KCNH1: variants seen among roughly 807,000 people sequenced by gnomAD.
The protein encoded by KCNH1 is voltage-gated delayed rectifier potassium channel KCNH1.
Under a neutral mutation model 69.2 loss-of-function variants are expected in KCNH1, and 27 were observed. The observed-to-expected ratio is 0.39, with a 90% confidence interval of 0.29 to 0.54. KCNH1 has a LOEUF of 0.54. Ranked by LOEUF, KCNH1 falls within the 20% of genes least tolerant of loss-of-function variation. The pLI, the probability that KCNH1 is intolerant of heterozygous loss-of-function variation, is 0.68. For missense variants in KCNH1, 798 were observed against 1,261.6 expected (o/e 0.63, Z 5.57); for synonymous variants, 456 against 487.7 (o/e 0.93, Z 0.86).
At chr1:211,025,491 T>C (rs1386390618) in intron 5 of KCNH1, among the ~76,000 whole-genome samples, 1 of 152,148 alleles carries the variant, frequency 6.6e-6, no homozygotes, top group Non-Finnish European at 1.5e-5. Context: ...TAAGGAAGCT[T>C]GGATTCTGAG....
At chr1:210,979,683 T>C (rs1031369010) in intron 6 of KCNH1, among the ~76,000 whole-genome samples, 3 of 152,192 alleles carry the variant, frequency 2.0e-5, no homozygotes, top group African/African-American at 7.2e-5. Context: ...TTTCAAGCAT[T>C]AGAGTGTTTT....
At chr1:210,826,165 G>C (rs1002033641) in intron 7 of KCNH1, among the ~76,000 whole-genome samples, 1 of 151,904 alleles carries the variant, frequency 6.6e-6, no homozygotes, top group Admixed American at 6.6e-5. Context: ...TTAAAAACTA[G>C]TTCTTCCCCA....
At chr1:210,767,748 ATAT>A (rs1683665944) in intron 10 of KCNH1, among the ~76,000 whole-genome samples, 1 of 152,144 alleles carries the variant, frequency 6.6e-6, no homozygotes, top group Non-Finnish European at 1.5e-5. Flanking sequence ...ACCTAAGAAA[ATAT>A]TATTAAGGAT....
chr1:210,929,014 A>G (rs1323280233), intron 6 of KCNH1, among the ~76,000 whole-genome samples: 3 of 152,142 alleles, frequency 2.0e-5, no homozygotes, highest in African/African-American at 7.2e-5. Flanking sequence ...ATCAATAACA[A>G]GTAGCGAGAT....
intron 10 of KCNH1, among the ~76,000 whole-genome samples, chr1:210,742,727 G>C (rs559190649): frequency 1.9e-4 from 29 of 152,178 alleles, no homozygotes; most frequent in Non-Finnish European, 2.2e-4. Flanking sequence ...CTGTCTGGAA[G>C]GCAATCATAT....
intron 6 of KCNH1, among the ~76,000 whole-genome samples, chr1:210,968,719 G>GT (rs1488400896): frequency 5.3e-5 from 8 of 151,596 alleles, no homozygotes; most frequent in Admixed American, 5.3e-4. Context: ...GGGGTTGTTT[G>GT]TTTTTTTCTT....
At chr1:210,882,069 A>T (rs1322771840) in intron 7 of KCNH1, among the ~76,000 whole-genome samples, 2 of 152,186 alleles carry the variant, frequency 1.3e-5, no homozygotes, top group African/African-American at 4.8e-5. Context: ...CATCAATTTT[A>T]ACAAATATAT....
chr1:211,044,641 C>T (rs1208732818), intron 5 of KCNH1, among the ~76,000 whole-genome samples: 1 of 151,876 alleles, frequency 6.6e-6, no homozygotes, highest in African/African-American at 2.4e-5. Flanking sequence ...TTCAAATGGC[C>T]AACAAACATA....
At position 211,006,940 on chromosome 1, in the gene KCNH1, T is replaced by C. The variant is rs572562198; in HGVS notation, c.1032+11843A>G. On this transcript the variant is annotated intron_variant, in intron 6 of 10. Transcript: ENST00000271751. Reference sequence around the variant, plus strand: ...CATTTTAATAAAATATATAAACATATATATATGCTTTATATATGAAGAAAA... The same window carrying C: ...CATTTTAATAAAATATATAAACATACATATATGCTTTATATATGAAGAAAA... Among the ~76,000 whole-genome samples the C allele has an allele frequency of 2.0e-5, 3 of 152,076 alleles. No homozygotes were observed. In the East Asian group the frequency reaches 5.8e-4, roughly 29 times the overall value.
intron 10 of KCNH1, among the ~76,000 whole-genome samples, chr1:210,751,402 A>G (rs189140781): frequency 6.6e-5 from 10 of 152,334 alleles, no homozygotes; most frequent in African/African-American, 2.2e-4. Context: ...CTAGAAGAAG[A>G]TAGAGCCTGG....
intron 5 of KCNH1, among the ~76,000 whole-genome samples, chr1:211,067,969 G>A (rs1690561729): frequency 6.6e-6 from 1 of 152,226 alleles, no homozygotes. Context: ...GTGGTACACA[G>A]TACTTGCTTC....
intron 10 of KCNH1, among the ~76,000 whole-genome samples, chr1:210,753,753 C>T (rs947777503): frequency 2.6e-5 from 4 of 152,174 alleles, no homozygotes; most frequent in African/African-American, 9.7e-5. Context: ...CCCACCCCTA[C>T]ATCAGCCCAT....
At chr1:210,782,537 C>A (rs1341132429) in intron 9 of KCNH1, among the ~76,000 whole-genome samples, 2 of 152,026 alleles carry the variant, frequency 1.3e-5, no homozygotes, top group Non-Finnish European at 2.9e-5. Flanking sequence ...ACCAGCCTGG[C>A]CAATGTGGTG....
chr1:210,874,021 C>T (rs557394571), intron 7 of KCNH1, among the ~76,000 whole-genome samples: 29 of 152,236 alleles, frequency 1.9e-4, no homozygotes, highest in Admixed American at 1.2e-3. Flanking sequence ...TTTAGCCCTG[C>T]GCACGTGACA....
intron 10 of KCNH1, among the ~76,000 whole-genome samples, chr1:210,687,458 T>C (rs1042304374): frequency 6.6e-6 from 1 of 152,216 alleles, no homozygotes; most frequent in Non-Finnish European, 1.5e-5. Context: ...CATCTTAGGC[T>C]GCCCTCCATC....
chr1:211,005,404 G>A (rs913234454), intron 6 of KCNH1, among the ~76,000 whole-genome samples: 3 of 152,000 alleles, frequency 2.0e-5, no homozygotes, highest in Non-Finnish European at 4.4e-5. Flanking sequence ...ATATTGGTGC[G>A]GTAATATACA....
At chr1:210,933,657 A>T (rs1483955318) in intron 6 of KCNH1, among the ~76,000 whole-genome samples, 1 of 152,146 alleles carries the variant, frequency 6.6e-6, no homozygotes, top group Non-Finnish European at 1.5e-5. Context: ...AACTAGGAAA[A>T]AGAGATAAGA....
intron 3 of KCNH1, among the ~76,000 whole-genome samples, chr1:211,094,013 G>C (rs1385801787): frequency 6.6e-6 from 1 of 152,114 alleles, no homozygotes; most frequent in Non-Finnish European, 1.5e-5. Context: ...TTGCCTACAG[G>C]TATAAACTAC....
intron 6 of KCNH1, among the ~76,000 whole-genome samples, chr1:210,966,575 T>C (rs971077007): frequency 2.0e-5 from 3 of 152,110 alleles, no homozygotes; most frequent in Non-Finnish European, 2.9e-5. Context: ...AACAGACACT[T>C]CTCAAAAGAA....
Sources: gnomAD v4.1 joint callset for allele counts (sites outside exome capture counted in the v4.1 genomes callset) on GRCh38, gnomAD v4.1.1 for gene constraint, MANE v1.5 for transcripts, NCBI Gene and HGNC (gene_info 2026-07-23, HGNC 2026-07-21) for gene names.